GALNT16: variants seen among roughly 807,000 people sequenced by gnomAD.
GALNT16 encodes UDP-GalNAc:polypeptide N-acetylgalactosaminyltransferase-like protein 1.
GALNT16 carries 40 observed loss-of-function variants against 76.1 expected under a neutral mutation model. The observed-to-expected ratio is 0.53, with a 90% CI of 0.41 to 0.68. The LOEUF (loss-of-function observed/expected upper bound fraction) is 0.68, where lower values mean the gene tolerates loss of function less well. Among genes scored for constraint, GALNT16 ranks in the 30% least tolerant of loss-of-function variants. The pLI, the probability that GALNT16 is intolerant of heterozygous loss-of-function variation, is 0.00. For synonymous variants in GALNT16, 276 were observed against 285.2 expected, an observed-to-expected ratio of 0.97 and a Z score of 0.32; for missense variants, 621 against 731.9, an observed-to-expected ratio of 0.85 and a Z score of 1.75.
chr14:69,300,180 T>G (rs527757789), intron 1 of GALNT16, among the ~76,000 whole-genome samples: 1 of 152,176 alleles, frequency 6.6e-6, no homozygotes, highest in Non-Finnish European at 1.5e-5. Context: ...CCCCTCTGTG[T>G]CCCCTTGAAG....
chr14:69,367,072 G>A, the GALNT16 span, among the ~76,000 whole-genome samples: 2 of 152,160 alleles, frequency 1.3e-5, no homozygotes, highest in African/African-American at 4.8e-5. Context: ...AGGTATAAGA[G>A]GCATGGAGAG....
intron 1 of GALNT16, among the ~76,000 whole-genome samples, chr14:69,292,568 C>T (rs141336484): frequency 1.5e-3 from 235 of 152,332 alleles, no homozygotes; most frequent in African/African-American, 5.0e-3. Flanking sequence ...TTTAATGGCC[C>T]GTGGAAAGTC....
intron 1 of GALNT16, among the ~76,000 whole-genome samples, chr14:69,313,900 G>T (rs1260171722): frequency 6.6e-6 from 1 of 152,336 alleles, no homozygotes; most frequent in African/African-American, 2.4e-5. Context: ...TGGGAACGGG[G>T]TCAGAGGAGA....
downstream of GALNT16, chr14:69,354,823 CTGCCGCCGTGCT>C (rs1359888073): frequency 1.3e-5 from 2 of 152,374 alleles, no homozygotes; most frequent in African/African-American, 4.8e-5. Context: ...AGGTATTGCC[CTGCCGCCGTGCT>C]TGCCTTTAGC....
rs192329786 is a variant in GALNT16, at chr14:69,323,850, G to T, written c.336-842G>T. On this transcript the variant is annotated intron_variant, in intron 2 of 14. Coordinates refer to ENST00000448469, the MANE Select transcript of GALNT16 (RefSeq NM_001168368.2). ...AATGAATGCCACAATGAAAAAACGGGCACTGGTGGAATAGTCAGAGAGCAA... is the reference window on the plus strand; with the variant it reads ...AATGAATGCCACAATGAAAAAACGGTCACTGGTGGAATAGTCAGAGAGCAA... Among the ~76,000 whole-genome samples the T allele has an allele frequency of 2.1e-3, 325 of 152,264 alleles. 1 individual carries two copies. Among genetic ancestry groups the T allele is most frequent in the Non-Finnish European group, 2.9e-3 (195 of 68,014 alleles).
At chr14:69,347,520 C>A (rs1003073509) in intron 13 of GALNT16, among the ~76,000 whole-genome samples, 9 of 152,134 alleles carry the variant, frequency 5.9e-5, no homozygotes, top group Admixed American at 2.6e-4. Context: ...AGTGTTGCAC[C>A]CACATCGAAA....
chr14:69,376,882 A>G, the GALNT16 span, among the ~76,000 whole-genome samples: 2 of 152,144 alleles, frequency 1.3e-5, no homozygotes, highest in East Asian at 3.9e-4. Flanking sequence ...AGGGACCTAG[A>G]AACTATGTCC....
At chr14:69,348,142 C>T (rs2045591732) in intron 14 of GALNT16, 140 bp downstream of exon 14, 1 of 789,252 alleles carries the variant, frequency 1.3e-6, no homozygotes, top group African/African-American at 1.7e-5. Context: ...GGAGCAAAGT[C>T]TACATCTAGG....
At chr14:69,383,652 T>A in the GALNT16 span, among the ~76,000 whole-genome samples, 1 of 152,240 alleles carries the variant, frequency 6.6e-6, no homozygotes, top group Admixed American at 6.5e-5. Context: ...CAAGCTATGA[T>A]AATTTACGGT....
chr14:69,284,893 C>T (rs372250452), intron 1 of GALNT16, among the ~76,000 whole-genome samples: 4 of 152,088 alleles, frequency 2.6e-5, no homozygotes, highest in African/African-American at 9.7e-5. Context: ...CCCCTTTGCT[C>T]GGCCCTTCTC....
In GALNT16 at chr14:69,339,552, T is replaced by C. The variant is rs372731096; in HGVS notation, c.1120T>C (p.Trp374Arg). Residue 374 changes from tryptophan to arginine, a missense_variant, in exon 11 of 15, where the codon TGG becomes CGG. By Grantham distance (101) the Trp-to-Arg change is moderately radical. Coordinates refer to ENST00000448469, the MANE Select transcript of GALNT16 (RefSeq NM_001168368.2). Reference sequence around the variant, plus strand: ...GAATACTAAGCGCACTGCAGAAGTGTGGATGGATGAATACAAGCAATACTA... The same window carrying C: ...GAATACTAAGCGCACTGCAGAAGTGCGGATGGATGAATACAAGCAATACTA... ...IRNTKRTAEV[W>R]MDEYKQYYYE... is the part of the protein sequence containing the mutation. The C allele has an allele frequency of 1.2e-6, 2 of 1,612,882 alleles. No homozygotes were observed. Among genetic ancestry groups the C allele is most frequent in the Non-Finnish European group, 1.7e-6 (2 of 1,178,866 alleles).
chr14:69,329,440 C>G (rs545929387), intron 6 of GALNT16, among the ~76,000 whole-genome samples: 1 of 152,160 alleles, frequency 6.6e-6, no homozygotes, highest in Admixed American at 6.5e-5. Context: ...GGAAAAGATG[C>G]TCAGCATCAT....
chr14:69,316,779 G>C (rs529918072), intron 1 of GALNT16, among the ~76,000 whole-genome samples: 3 of 133,972 alleles, frequency 2.2e-5, no homozygotes, highest in Non-Finnish European at 4.9e-5. Context: ...GTCTGTGAGG[G>C]GGGGGGGCAC....
intron 1 of GALNT16, among the ~76,000 whole-genome samples, chr14:69,319,466 C>T (rs1315745513): frequency 6.6e-6 from 1 of 152,260 alleles, no homozygotes; most frequent in Non-Finnish European, 1.5e-5. Context: ...TCTCACCCTC[C>T]TTTCTGCTTC....
intron 3 of GALNT16, 76 bp downstream of exon 3, chr14:69,324,866 C>A: frequency 2.2e-6 from 2 of 902,042 alleles, no homozygotes; most frequent in Non-Finnish European, 3.4e-6. Flanking sequence ...TGTGGCCAGA[C>A]AGCTTGAAGC....
chr14:69,295,730 A>T (rs1048960494), intron 1 of GALNT16, among the ~76,000 whole-genome samples: 3 of 152,292 alleles, frequency 2.0e-5, no homozygotes, highest in East Asian at 3.9e-4. Context: ...AAAAAAAATT[A>T]AAAAATTAAC....
chr14:69,331,434 G>C (rs964363309), intron 6 of GALNT16, 30 bp from the exon 7 acceptor site: 9 of 1,274,242 alleles, frequency 7.1e-6, no homozygotes, highest in Admixed American at 1.7e-5. Flanking sequence ...GAAGTCCCAG[G>C]CCTCACACCA....
chr14:69,325,738 C>G (rs186591947), intron 4 of GALNT16, among the ~76,000 whole-genome samples: 15 of 152,316 alleles, frequency 9.8e-5, no homozygotes, highest in African/African-American at 3.6e-4. Flanking sequence ...TTCTAGTGCT[C>G]CCTGAGGTGG....
chr14:69,347,784 A>T (rs1044780970), intron 13 of GALNT16, 93 bp from the exon 14 acceptor site: 2 of 1,344,292 alleles, frequency 1.5e-6, no homozygotes, highest in African/African-American at 2.9e-5. Context: ...ATCTTACAAA[A>T]ATATGCCGTG....
Sources: gnomAD v4.1 joint callset for allele counts (sites outside exome capture counted in the v4.1 genomes callset) on GRCh38, gnomAD v4.1.1 for gene constraint, MANE v1.5 for transcripts, NCBI Gene and HGNC (gene_info 2026-07-23, HGNC 2026-07-21) for gene names.